UBR2: variants seen among roughly 807,000 people sequenced by gnomAD.
UBR2 encodes E3 ubiquitin-protein ligase UBR2.
In UBR2, 92 loss-of-function variants were observed where a neutral mutation model predicts 247.9. The observed-to-expected ratio is 0.37, with a 90% confidence interval of 0.31 to 0.44. The LOEUF (loss-of-function observed/expected upper bound fraction) is 0.44, where lower values mean the gene tolerates loss of function less well. Ranked by LOEUF, UBR2 falls within the 20% of genes least tolerant of loss-of-function variation. The pLI, the probability that UBR2 is intolerant of heterozygous loss-of-function variation, is 1.00. For missense variants in UBR2, 1,613 were observed against 2,112.6 expected, an observed-to-expected ratio of 0.76 and a Z score of 4.64; for synonymous variants, 672 against 693.5, an observed-to-expected ratio of 0.97 and a Z score of 0.49.
intron 6 of UBR2, among the ~76,000 whole-genome samples, chr6:42,606,172 G>A (rs1224408136): frequency 6.6e-6 from 1 of 152,008 alleles, no homozygotes; most frequent in Non-Finnish European, 1.5e-5. Context: ...GAACCTGGGA[G>A]GCAGAGGTTG....
chr6:42,685,998 T>G (rs1013393531), intron 44 of UBR2, among the ~76,000 whole-genome samples: 4 of 152,222 alleles, frequency 2.6e-5, no homozygotes, highest in Admixed American at 1.3e-4. Context: ...CTATTCTAAA[T>G]GGAATATTAA....
intron 11 of UBR2, among the ~76,000 whole-genome samples, chr6:42,624,633 G>T (rs548868614): frequency 6.6e-6 from 1 of 152,252 alleles, no homozygotes; most frequent in African/African-American, 2.4e-5. Flanking sequence ...GGGTTTTCAA[G>T]TATAATTTGG....
intron 4 of UBR2, among the ~76,000 whole-genome samples, chr6:42,598,115 G>A (rs754869885): frequency 1.3e-5 from 2 of 152,078 alleles, no homozygotes; most frequent in Non-Finnish European, 1.5e-5. Context: ...CTTTGCATTT[G>A]GGGGTGAGAT....
intron 30 of UBR2, among the ~76,000 whole-genome samples, chr6:42,660,954 G>A (rs1389683952): frequency 6.7e-6 from 1 of 149,748 alleles, no homozygotes; most frequent in Non-Finnish European, 1.5e-5. Context: ...GCAACGGAGC[G>A]AGACCCTGTG....
At chr6:42,668,276 T>A (rs1798239303) in intron 34 of UBR2, among the ~76,000 whole-genome samples, 1 of 152,234 alleles carries the variant, frequency 6.6e-6, no homozygotes, top group Non-Finnish European at 1.5e-5. Context: ...CTGGATGGTA[T>A]ATTTTCATGT....
chr6:42,601,260 A>T (rs1793337704), intron 4 of UBR2, among the ~76,000 whole-genome samples: 1 of 152,166 alleles, frequency 6.6e-6, no homozygotes, highest in South Asian at 2.1e-4. Flanking sequence ...TCATATTATT[A>T]TTAATACCTA....
rs1384312910 is a variant in UBR2, at chr6:42,617,516, T to C, written c.1281+9T>C. 3 of 1,549,944 alleles carry C rather than the reference T, an allele frequency of 1.9e-6. No individual in the cohort carries two copies. Among genetic ancestry groups the C allele is most frequent in the Admixed American group, 2.0e-5 (1 of 50,970 alleles). ...TCACGGTTCCTTCACTTGTAAGTAC[T>C]GAAAGACTAGAAGAACTTTCTTGTT... On this transcript the variant is annotated intron_variant, in intron 11 of 46. Coordinates refer to ENST00000372901, the MANE Select transcript of UBR2 (RefSeq NM_001363705.2).
At chr6:42,651,987 C>T (rs1480657149) in intron 23 of UBR2, 36 bp from the exon 24 acceptor site, 3 of 1,561,642 alleles carry the variant, frequency 1.9e-6, no homozygotes, top group Non-Finnish European at 2.6e-6. Flanking sequence ...GTGGGCATTA[C>T]TAATTCCCGG....
intron 1 of UBR2, among the ~76,000 whole-genome samples, chr6:42,566,312 A>C (rs955938709): frequency 2.6e-5 from 4 of 151,978 alleles, no homozygotes; most frequent in Admixed American, 1.3e-4. Context: ...AGGAAAATGC[A>C]ACAAAAAATT....
At chr6:42,643,791 T>G (rs1057414443) in intron 18 of UBR2, among the ~76,000 whole-genome samples, 4 of 152,270 alleles carry the variant, frequency 2.6e-5, no homozygotes, top group Admixed American at 2.6e-4. Flanking sequence ...GATAATAGTT[T>G]AATATGATCT....
intron 41 of UBR2, among the ~76,000 whole-genome samples, chr6:42,679,067 T>A (rs1355806163): frequency 6.6e-6 from 1 of 152,256 alleles, no homozygotes; most frequent in Non-Finnish European, 1.5e-5. Context: ...TACCCATAAT[T>A]GCACATAAAT....
chr6:42,676,331 A>C (rs1798721723), intron 39 of UBR2, 140 bp downstream of exon 39: 2 of 907,140 alleles, frequency 2.2e-6, no homozygotes, highest in Non-Finnish European at 3.1e-6. Context: ...TTCATATGAA[A>C]AGTTTTGAAA....
Position 42,683,013 on chromosome 6 carries a change from T to C in UBR2, c.4719-42T>C, listed in dbSNP as rs147816127. The C allele has an allele frequency of 2.9e-4, 445 of 1,526,424 alleles. 2 individuals carry two copies. The highest frequency in any genetic ancestry group is 2.4e-3 in the African/African-American group (142 of 59,888). 94.6% of individuals were successfully genotyped at this position (1,526,424 alleles called of 1,614,324 possible). On this transcript the variant is annotated intron_variant, in intron 42 of 46. Coordinates refer to ENST00000372901, the MANE Select transcript of UBR2 (RefSeq NM_001363705.2). ...GGGAAAAAATTCTAGTTCTAACCCT[T>C]TAAAAGTGTTTTGTGTTTTTCCCCC...
Position 42,689,513 on chromosome 6 carries a change from T to G in UBR2, c.5025-56T>G. ...AGACTTCATTCTATTTGGAACTGAA[T>G]ACAAATGTTGGTTACTAATGTGTAA... On this transcript the variant is annotated intron_variant, in intron 45 of 46. Transcript: ENST00000372901. This position sits in a 1 kb window ranked among gnomAD's most constrained non-coding sequence, Gnocchi z 4.0. 2 of 1,488,616 alleles carry G rather than the reference T, an allele frequency of 1.3e-6. No homozygotes were observed. The highest frequency in any genetic ancestry group is 1.4e-5 in the African/African-American group (1 of 72,444). 92.2% of individuals were successfully genotyped at this position (1,488,616 alleles called of 1,614,324 possible).
intron 30 of UBR2, among the ~76,000 whole-genome samples, chr6:42,660,117 TCA>T: frequency 6.6e-6 from 1 of 152,338 alleles, no homozygotes; most frequent in Middle Eastern, 3.4e-3. Context: ...CTTTGGCATT[TCA>T]CAGTCTTTTC....
rs58396471 is a variant in UBR2 at position 42,581,003 on chromosome 6, ATTTTTTTTTTTT to A, written c.338+7027_338+7038del. On this transcript the variant is annotated intron_variant, in intron 2 of 46. Transcript: ENST00000372901. ...TTAGATTACCTTGGGTGGTTCTAGA[ATTTTTTTTTTTT>A]TTTTTTTTTTTTTTTTGAGACAGGG... is the stretch of plus-strand genomic sequence containing the variant. Among the ~76,000 whole-genome samples, 4 of 62,636 alleles carry A rather than the reference ATTTTTTTTTTTT, an allele frequency of 6.4e-5. No homozygotes were observed. The East Asian group carries it at 1.6e-3, about 25-fold the overall frequency. The allele number at this position is 62,636 out of a possible 152,430, so 41.1% of individuals were successfully genotyped here. A position where few individuals can be genotyped will look rare whatever the true frequency, so the allele number is the denominator to read the frequency against.
intron 18 of UBR2, among the ~76,000 whole-genome samples, chr6:42,643,613 AAAT>A (rs1333076427): frequency 6.6e-6 from 1 of 152,208 alleles, no homozygotes; most frequent in African/African-American, 2.4e-5. Context: ...AAATAAATAA[AAAT>A]AAAGTCAAGA....
At chr6:42,593,477 T>C (rs942399265) in intron 3 of UBR2, among the ~76,000 whole-genome samples, 4 of 152,224 alleles carry the variant, frequency 2.6e-5, no homozygotes, top group African/African-American at 9.6e-5. Context: ...TAAAATTTGC[T>C]GTATCTAATA....
At chr6:42,655,899 T>C (rs529555150) in intron 26 of UBR2, among the ~76,000 whole-genome samples, 176 bp downstream of exon 26, 1 of 152,288 alleles carries the variant, frequency 6.6e-6, no homozygotes, top group African/African-American at 2.4e-5. Context: ...CCTGATACAT[T>C]TTTATAAAAA....
Sources: gnomAD v4.1 joint callset for allele counts (sites outside exome capture counted in the v4.1 genomes callset) on GRCh38, gnomAD v4.1.1 for gene constraint, Gnocchi (gnomAD v3.1) non-coding constraint, MANE v1.5 for transcripts, NCBI Gene and HGNC (gene_info 2026-07-23, HGNC 2026-07-21) for gene names.